The following AGBL4 variants were observed in gnomAD, a reference collection of about 807,000 sequenced individuals.
AGBL4 encodes cytosolic carboxypeptidase 6.
In AGBL4, 58 loss-of-function variants were observed where a neutral mutation model predicts 66.4. The ratio of observed to expected loss-of-function variants is 0.87; its 90% CI spans 0.71 to 1.09. AGBL4 has a LOEUF of 1.09. Ranked by LOEUF, AGBL4 falls within the 50% of genes least tolerant of loss-of-function variation. AGBL4 has a pLI of 0.00. For missense variants in AGBL4, 579 were observed against 631.0 expected (o/e 0.92, Z 0.88); for synonymous variants, 234 against 222.9 (o/e 1.05, Z -0.44).
intron 6 of AGBL4, among the ~76,000 whole-genome samples, chr1:48,848,020 AC>A: frequency 6.6e-6 from 1 of 152,060 alleles, no homozygotes; most frequent in South Asian, 2.1e-4. Context: ...CCTGCTCCAT[AC>A]CCTCTTTCTC....
chr1:49,560,115 C>T (rs1004115715), intron 3 of AGBL4, among the ~76,000 whole-genome samples: 1 of 152,144 alleles, frequency 6.6e-6, no homozygotes, highest in East Asian at 1.9e-4. Flanking sequence ...AAAAACATGA[C>T]CTCACCAAAT....
chr1:49,370,398 G>C (rs1570543917), intron 3 of AGBL4, among the ~76,000 whole-genome samples: 1 of 152,064 alleles, frequency 6.6e-6, no homozygotes, highest in Admixed American at 6.6e-5. Flanking sequence ...ATTCTGGCAG[G>C]ATTTCTATGT....
At chr1:49,406,716 T>C (rs570954023) in intron 3 of AGBL4, among the ~76,000 whole-genome samples, 2 of 152,230 alleles carry the variant, frequency 1.3e-5, no homozygotes, top group African/African-American at 4.8e-5. Flanking sequence ...TATGTGATTA[T>C]TTTTCTTAAT....
intron 1 of AGBL4, among the ~76,000 whole-genome samples, chr1:49,908,551 A>G (rs1005349340): frequency 2.0e-5 from 3 of 152,132 alleles, no homozygotes; most frequent in African/African-American, 7.2e-5. Context: ...CACTTCCTGT[A>G]CTGTCTGCAG....
intron 3 of AGBL4, among the ~76,000 whole-genome samples, chr1:49,262,448 C>A (rs1653284614): frequency 1.3e-5 from 2 of 151,456 alleles, no homozygotes; most frequent in Admixed American, 1.3e-4. Context: ...TGAACTCAAA[C>A]AAATTTACAA....
intron 5 of AGBL4, among the ~76,000 whole-genome samples, chr1:48,960,213 G>T (rs542075247): frequency 6.6e-6 from 1 of 152,030 alleles, no homozygotes; most frequent in African/African-American, 2.4e-5. Context: ...ATAAGATATT[G>T]GTGGAAAGGC....
At chr1:49,327,352 C>T (rs2148485446) in intron 3 of AGBL4, among the ~76,000 whole-genome samples, 1 of 152,290 alleles carries the variant, frequency 6.6e-6, no homozygotes, top group South Asian at 2.1e-4. Context: ...ACAAACTAGG[C>T]TGCTGAAAGT....
At chr1:49,738,984 G>A (rs940652529) in intron 2 of AGBL4, among the ~76,000 whole-genome samples, 16 of 152,200 alleles carry the variant, frequency 1.1e-4, no homozygotes, top group Non-Finnish European at 1.9e-4. Context: ...TAAAAAGTCT[G>A]AAAATCAGAG....
chr1:48,626,759 G>A (rs1018217593), intron 9 of AGBL4, among the ~76,000 whole-genome samples: 4 of 152,144 alleles, frequency 2.6e-5, no homozygotes, highest in African/African-American at 9.7e-5. Flanking sequence ...GCTCCCTGCA[G>A]GGAACCTCTG....
chr1:49,525,892 C>A (rs1306118927), intron 3 of AGBL4, among the ~76,000 whole-genome samples: 1 of 151,800 alleles, frequency 6.6e-6, no homozygotes, highest in Non-Finnish European at 1.5e-5. Flanking sequence ...TCCAGACCAT[C>A]CTGGCTAACA....
At chr1:49,576,996 G>T (rs1489031896) in intron 3 of AGBL4, among the ~76,000 whole-genome samples, 1 of 152,224 alleles carries the variant, frequency 6.6e-6, no homozygotes, top group Non-Finnish European at 1.5e-5. Flanking sequence ...TTTCATGGAA[G>T]GAGAAATGGT....
chr1:49,433,682 G>A lies in AGBL4; in HGVS notation c.283-187818C>T, dbSNP rs114723797. ...GATAATTTTAATGACAAAATAAGCC[G>A]GATTTGAATCTTGATTCTACCTTTT... On this transcript the variant is annotated intron_variant, in intron 3 of 13. Coordinates refer to ENST00000371839, the MANE Select transcript of AGBL4 (RefSeq NM_032785.4). Among the ~76,000 whole-genome samples, 829 of 152,238 alleles carry A rather than the reference G, an allele frequency of 5.4e-3. 3 individuals are homozygous for A. The highest frequency in any genetic ancestry group is 0.014 in the Middle Eastern group (4 of 292).
At chr1:48,640,734 TAA>T (rs1645741045) in intron 8 of AGBL4, among the ~76,000 whole-genome samples, 1 of 152,192 alleles carries the variant, frequency 6.6e-6, no homozygotes, top group Non-Finnish European at 1.5e-5. Context: ...GTGTGATTTA[TAA>T]AAGAGACACT....
At chr1:49,986,939 A>G (rs1014273038) in intron 1 of AGBL4, among the ~76,000 whole-genome samples, 12 of 152,018 alleles carry the variant, frequency 7.9e-5, no homozygotes, top group Non-Finnish European at 2.9e-5. Flanking sequence ...ATTTCTTAGT[A>G]AGAAAATATT....
Position 48,736,514 on chromosome 1 carries a change from C to T in AGBL4, c.635-73273G>A, listed in dbSNP as rs1012564710. 1.4e-6 allele frequency: 2 copies of T among 1,423,772 alleles called. No individual in the cohort carries two copies. The highest frequency in any genetic ancestry group is 1.8e-5 in the Admixed American group (1 of 56,148). 88.2% of individuals were successfully genotyped at this position (1,423,772 alleles called of 1,614,324 possible). On this transcript the variant is annotated intron_variant, in intron 6 of 13. Transcript: ENST00000371839. This position sits in a 1 kb window ranked among gnomAD's most constrained non-coding sequence, Gnocchi z 4.0. Reference sequence around the variant, plus strand: ...GACAGGAGGGCAGTGGGAGGCTTCTCTTGTCCTTTAAAAAGCATTGCTGCA... The same window carrying T: ...GACAGGAGGGCAGTGGGAGGCTTCTTTTGTCCTTTAAAAAGCATTGCTGCA...
At chr1:49,677,360 AT>A (rs957117253) in intron 3 of AGBL4, among the ~76,000 whole-genome samples, 2 of 152,002 alleles carry the variant, frequency 1.3e-5, no homozygotes, top group Non-Finnish European at 2.9e-5. Context: ...TGATCATGTG[AT>A]TTTTTTCATC....
intron 5 of AGBL4, among the ~76,000 whole-genome samples, chr1:48,901,527 C>G (rs1349415963): frequency 6.6e-6 from 1 of 152,076 alleles, no homozygotes; most frequent in South Asian, 2.1e-4. Flanking sequence ...CAATAAAATA[C>G]TACTCGACAA....
intron 3 of AGBL4, among the ~76,000 whole-genome samples, chr1:49,578,761 G>A (rs2148880527): frequency 6.6e-6 from 1 of 152,178 alleles, no homozygotes; most frequent in South Asian, 2.1e-4. Flanking sequence ...TGACCTTTTT[G>A]CTGTCTTTAT....
chr1:49,146,385 A>G (rs1646218409), intron 4 of AGBL4, among the ~76,000 whole-genome samples: 1 of 152,146 alleles, frequency 6.6e-6, no homozygotes, highest in African/African-American at 2.4e-5. Context: ...TATACCTACT[A>G]GATATCTACA....
Sources: gnomAD v4.1 joint callset for allele counts (sites outside exome capture counted in the v4.1 genomes callset) on GRCh38, gnomAD v4.1.1 for gene constraint, Gnocchi (gnomAD v3.1) non-coding constraint, MANE v1.5 for transcripts, NCBI Gene and HGNC (gene_info 2026-07-23, HGNC 2026-07-21) for gene names.